The following CTCFL variants were observed in gnomAD, a reference collection of about 807,000 sequenced individuals.
CTCFL encodes the protein CCCTC-binding factor like.
A neutral mutation model predicts 67.4 loss-of-function variants in CTCFL; 36 were observed. The observed-to-expected ratio is 0.53, with a 90% confidence interval of 0.41 to 0.71. The LOEUF is 0.71. Among genes scored for constraint, CTCFL ranks in the 30% least tolerant of loss-of-function variants. CTCFL has a pLI of 0.00. For missense variants in CTCFL, 786 were observed against 835.2 expected (o/e 0.94, Z 0.73); for synonymous variants, 324 against 302.3 (o/e 1.07, Z -0.75).
At position 57,524,283 on chromosome 20, in the gene CTCFL, G is replaced by C. The variant is rs1389576990; in HGVS notation, c.-11-67C>G. 9 of 1,533,826 alleles carry C rather than the reference G, an allele frequency of 5.9e-6. No homozygotes were observed. In the Admixed American group the frequency reaches 1.6e-4, roughly 27 times the overall value. ...GGGGGTGGTATGAGGAGGGATGCGG[G>C]GGGTGCTGGAACCTAGCAGGCTTTG... is the stretch of plus-strand genomic sequence containing the variant. On this transcript the variant is annotated intron_variant, in intron 1 of 10. Coordinates refer to ENST00000243914, the MANE Select transcript of CTCFL (RefSeq NM_001386993.1).
intron 5 of CTCFL, among the ~76,000 whole-genome samples, chr20:57,516,821 G>A (rs1048189291): frequency 1.3e-5 from 2 of 152,200 alleles, no homozygotes; most frequent in African/African-American, 4.8e-5. Context: ...CCTCCCATTT[G>A]AGCATTCACT....
chr20:57,514,154 CCA>C (rs2146375637), intron 7 of CTCFL, among the ~76,000 whole-genome samples: 1 of 152,278 alleles, frequency 6.6e-6, no homozygotes, highest in South Asian at 2.1e-4. Flanking sequence ...CTTCTTAGGC[CCA>C]CAGCCAGGGT....
intron 9 of CTCFL, among the ~76,000 whole-genome samples, chr20:57,506,372 C>T (rs2068210382): frequency 6.6e-6 from 1 of 152,194 alleles, no homozygotes; most frequent in Non-Finnish European, 1.5e-5. Flanking sequence ...GGCACAGTCT[C>T]AGCTCACTGC....
At chr20:57,515,466 T>C in intron 6 of CTCFL, 1 of 466,782 alleles carries the variant, frequency 2.1e-6, no homozygotes, top group Non-Finnish European at 3.8e-6. Flanking sequence ...TTTAAATACC[T>C]GAAAAATCTA....
chr20:57,501,774 A>AGGCCTCCACCCAGGAG (rs2067928274), intron 10 of CTCFL, among the ~76,000 whole-genome samples: 1 of 152,154 alleles, frequency 6.6e-6, no homozygotes, highest in South Asian at 2.1e-4. Context: ...AGAGTCAGTG[A>AGGCCTCCACCCAGGAG]GGCCTCCACC....
intron 4 of CTCFL, 96 bp from the exon 5 acceptor site, chr20:57,518,987 G>T: frequency 1.4e-6 from 2 of 1,423,604 alleles, no homozygotes; most frequent in South Asian, 1.4e-5. Context: ...TCTCAAAAAT[G>T]CTTTAAAAAT....
intron 9 of CTCFL, chr20:57,507,427 G>A: frequency 1.6e-6 from 1 of 621,144 alleles, no homozygotes; most frequent in South Asian, 1.9e-5. Context: ...TGAGCTCCTG[G>A]CCTCAAGTTA....
chr20:57,515,402 C>T (rs2068842259), intron 6 of CTCFL: 1 of 318,702 alleles, frequency 3.1e-6, no homozygotes, highest in African/African-American at 2.2e-5. Context: ...GCCTCAGCCT[C>T]CCAAAGTGCT....
intron 3 of CTCFL, among the ~76,000 whole-genome samples, chr20:57,522,824 A>G (rs139231088): frequency 6.6e-4 from 100 of 152,326 alleles, no homozygotes; most frequent in Admixed American, 1.2e-3. Flanking sequence ...TTGGTCTTCT[A>G]TGCTTACGTG....
chr20:57,519,657 G>A (rs536839260), intron 3 of CTCFL, among the ~76,000 whole-genome samples: 2 of 152,180 alleles, frequency 1.3e-5, no homozygotes, highest in South Asian at 4.1e-4. Context: ...ATGCTAGGGA[G>A]GAGATGCCTG....
chr20:57,509,969 T>C (rs1477368500), intron 8 of CTCFL, among the ~76,000 whole-genome samples: 1 of 152,302 alleles, frequency 6.6e-6, no homozygotes, highest in East Asian at 1.9e-4. Context: ...CCAGGGCCCC[T>C]CATCCTTTCC....
At chr20:57,519,084 A>T in intron 4 of CTCFL, 123 bp downstream of exon 4, 2 of 1,249,264 alleles carry the variant, frequency 1.6e-6, no homozygotes, top group Non-Finnish European at 2.2e-6. Context: ...ATTCAAGAAA[A>T]AGAAGACAAA....
downstream of CTCFL, chr20:57,497,087 C>T (rs1421872653): frequency 3.8e-6 from 1 of 262,538 alleles, no homozygotes; most frequent in African/African-American, 2.3e-5. Flanking sequence ...ACCAACAGTG[C>T]ACAACGGTTC....
At chr20:57,514,813 G>GTT (rs11086612) in intron 6 of CTCFL, 72 bp from the exon 7 acceptor site, 163 of 1,200,484 alleles carry the variant, frequency 1.4e-4, no homozygotes, top group Non-Finnish European at 1.7e-4. Flanking sequence ...TGCTGAAAGT[G>GTT]TTTTTTTTTT....
chr20:57,512,423 G>C (rs1360858317), intron 8 of CTCFL, among the ~76,000 whole-genome samples, 169 bp downstream of exon 8: 1 of 152,242 alleles, frequency 6.6e-6, no homozygotes, highest in African/African-American at 2.4e-5. Context: ...CATACTTTAA[G>C]AACTGTTGTT....
At chr20:57,520,117 G>A (rs1373940491) in intron 3 of CTCFL, among the ~76,000 whole-genome samples, 2 of 152,152 alleles carry the variant, frequency 1.3e-5, no homozygotes, top group Non-Finnish European at 2.9e-5. Flanking sequence ...AAAGAGGGAA[G>A]GTGGCCCCAG....
upstream of CTCFL, chr20:57,525,238 A>G (rs1293824263): frequency 7.6e-5 from 5 of 66,036 alleles, no homozygotes; most frequent in African/African-American, 2.9e-4. Flanking sequence ...CTGTGGGGGC[A>G]GGGGGGAAGG....
In CTCFL at chr20:57,507,749, G is replaced by A. The variant is rs951822097; in HGVS notation, c.1674+857C>T. Reference sequence around the variant, plus strand: ...CAGCCTCAGGAGTGGCCCTGAGCCAGGACCACCCAGTTCAGCCACTTCCGA... The same window carrying A: ...CAGCCTCAGGAGTGGCCCTGAGCCAAGACCACCCAGTTCAGCCACTTCCGA... On this transcript the variant is annotated intron_variant, in intron 9 of 10. Transcript: ENST00000243914. The A allele has an allele frequency of 8.5e-6, 6 of 702,896 alleles. No individual in the cohort carries two copies. The African/African-American group carries it at 8.7e-5, about 10-fold the overall frequency. 43.5% of individuals were successfully genotyped at this position (702,896 alleles called of 1,614,324 possible).
At chr20:57,523,627 T>A in intron 2 of CTCFL, 36 bp downstream of exon 2, 1 of 1,570,792 alleles carries the variant, frequency 6.4e-7, no homozygotes. Flanking sequence ...TTTTTTCTTT[T>A]TCATGTAAGG....
Sources: gnomAD v4.1 joint callset for allele counts (sites outside exome capture counted in the v4.1 genomes callset) on GRCh38, gnomAD v4.1.1 for gene constraint, MANE v1.5 for transcripts, NCBI Gene and HGNC (gene_info 2026-07-23, HGNC 2026-07-21) for gene names.